LRMDA: variants seen among roughly 807,000 people sequenced by gnomAD.
LRMDA encodes the protein leucine-rich melanocyte differentiation-associated protein.
Under a neutral mutation model 29.8 loss-of-function variants are expected in LRMDA, and 18 were observed. That is an observed-to-expected ratio of 0.60 (90% CI 0.42 to 0.90). The LOEUF is 0.90. Ranked by LOEUF, LRMDA falls within the 40% of genes least tolerant of loss-of-function variation. The pLI is 0.00. For synonymous variants in LRMDA, 125 were observed against 109.4 expected (o/e 1.14, Z -0.89); for missense variants, 273 against 273.9 (o/e 1.00, Z 0.02).
In LRMDA at chr10:76,058,660, T is replaced by C; in HGVS notation, c.399-6T>C. The C allele has an allele frequency of 2.5e-6, 4 of 1,609,912 alleles. No individual in the cohort carries two copies. The highest frequency in any genetic ancestry group is 1.7e-4 in the Middle Eastern group (1 of 6,056). On this transcript the variant is annotated splice_region_variant and splice_polypyrimidine_tract_variant and intron_variant, in intron 4 of 6. Coordinates refer to ENST00000611255, the MANE Select transcript of LRMDA (RefSeq NM_001305581.2). ...TCCTGAGTTGTCTCTGACTCTTATC[T>C]TCCAGATGCTTTGTTCTGTACAAGC...
intron 2 of LRMDA, among the ~76,000 whole-genome samples, chr10:76,023,962 A>C (rs1262688794): frequency 6.6e-6 from 1 of 152,236 alleles, no homozygotes; most frequent in East Asian, 1.9e-4. Flanking sequence ...TGATATCTGC[A>C]AATTGGACAG....
At chr10:75,911,466 G>A (rs976249581) in intron 2 of LRMDA, among the ~76,000 whole-genome samples, 3 of 152,184 alleles carry the variant, frequency 2.0e-5, no homozygotes, top group Non-Finnish European at 2.9e-5. Context: ...CCAGAATCTT[G>A]TAGTGTTCCT....
chr10:75,564,160 T>A (rs1359742547), intron 2 of LRMDA, among the ~76,000 whole-genome samples: 1 of 152,202 alleles, frequency 6.6e-6, no homozygotes, highest in Non-Finnish European at 1.5e-5. Flanking sequence ...GGCAGGCAGG[T>A]CTACTTGAGT....
At chr10:75,908,836 A>G (rs539277253) in intron 2 of LRMDA, among the ~76,000 whole-genome samples, 2 of 152,352 alleles carry the variant, frequency 1.3e-5, no homozygotes, top group East Asian at 1.9e-4. Context: ...AGAGTCAAAC[A>G]AAATAGAAGG....
intron 5 of LRMDA, among the ~76,000 whole-genome samples, chr10:76,143,609 T>G (rs981391699): frequency 2.6e-5 from 4 of 152,232 alleles, no homozygotes; most frequent in African/African-American, 9.6e-5. Context: ...GTCAGATGAG[T>G]AGGTTGCAAA....
chr10:75,670,231 A>G (rs1257304207), intron 2 of LRMDA, among the ~76,000 whole-genome samples: 1 of 152,258 alleles, frequency 6.6e-6, no homozygotes, highest in Non-Finnish European at 1.5e-5. Flanking sequence ...TTCATTAGCA[A>G]AAATGAATAA....
chr10:75,757,692 T>A (rs1015789896), intron 2 of LRMDA, among the ~76,000 whole-genome samples: 1 of 152,210 alleles, frequency 6.6e-6, no homozygotes, highest in Non-Finnish European at 1.5e-5. Flanking sequence ...GAACAGTGAC[T>A]GAGACACAAT....
intron 5 of LRMDA, among the ~76,000 whole-genome samples, chr10:76,121,071 G>A (rs577284171): frequency 6.6e-6 from 1 of 151,960 alleles, no homozygotes; most frequent in East Asian, 1.9e-4. Flanking sequence ...AGTTGATATT[G>A]AAATGTTTGT....
At chr10:76,517,661 G>GA (rs1379185692) in intron 6 of LRMDA, among the ~76,000 whole-genome samples, 4 of 151,724 alleles carry the variant, frequency 2.6e-5, no homozygotes, top group African/African-American at 9.7e-5. Flanking sequence ...GGAATCATGA[G>GA]AAAAAAATGG....
chr10:76,041,585 G>C (rs1848339515), intron 3 of LRMDA, among the ~76,000 whole-genome samples: 1 of 152,190 alleles, frequency 6.6e-6, no homozygotes, highest in African/African-American at 2.4e-5. Context: ...TTAACCCGCA[G>C]CTGAGCCCAG....
intron 5 of LRMDA, among the ~76,000 whole-genome samples, chr10:76,271,536 C>T (rs1268983485): frequency 2.0e-5 from 3 of 152,172 alleles, no homozygotes; most frequent in African/African-American, 7.2e-5. Flanking sequence ...CTCCCTATGG[C>T]AAATAATTAA....
chr10:75,899,550 C>T (rs1353884906), intron 2 of LRMDA, among the ~76,000 whole-genome samples: 3 of 152,188 alleles, frequency 2.0e-5, no homozygotes, highest in Non-Finnish European at 4.4e-5. Flanking sequence ...TACTGGGTGG[C>T]TGTTACATGC....
At chr10:76,038,865 A>G (rs1487255228) in intron 3 of LRMDA, among the ~76,000 whole-genome samples, 1 of 152,192 alleles carries the variant, frequency 6.6e-6, no homozygotes, top group African/African-American at 2.4e-5. Flanking sequence ...TATAGATCAG[A>G]TGTTTGGCCA....
At chr10:76,060,451 G>A (rs1848686096) in intron 5 of LRMDA, among the ~76,000 whole-genome samples, 1 of 152,184 alleles carries the variant, frequency 6.6e-6, no homozygotes, top group Non-Finnish European at 1.5e-5. Flanking sequence ...AGAAGGAAGG[G>A]GTCACTGGCT....
At position 76,068,980 on chromosome 10, in the gene LRMDA, T is replaced by C. The variant is rs189916044; in HGVS notation, c.516+10197T>C. ...TCTGCCCTTTATCCCAAATGGTCCA[T>C]TGAGAAGCAAAGAGAACATCTTTCT... On this transcript the variant is annotated intron_variant, in intron 5 of 6. Coordinates refer to ENST00000611255, the MANE Select transcript of LRMDA (RefSeq NM_001305581.2). Among the ~76,000 whole-genome samples, 3 of 152,322 alleles carry C rather than the reference T, an allele frequency of 2.0e-5. 1 individual carries two copies. Among genetic ancestry groups the C allele is most frequent in the Non-Finnish European group, 4.4e-5 (3 of 68,028 alleles).
chr10:76,079,300 G>A (rs1849013019), intron 5 of LRMDA, among the ~76,000 whole-genome samples: 2 of 152,160 alleles, frequency 1.3e-5, no homozygotes, highest in African/African-American at 4.8e-5. Flanking sequence ...TTAGATTGCC[G>A]TTTGATCTGA....
At chr10:76,244,428 G>A (rs1313464145) in intron 5 of LRMDA, among the ~76,000 whole-genome samples, 1 of 152,284 alleles carries the variant, frequency 6.6e-6, no homozygotes, top group Middle Eastern at 3.4e-3. Flanking sequence ...TTCAGGAGCT[G>A]TTCTTAGGAC....
chr10:76,140,747 C>G (rs1236018554), intron 5 of LRMDA, among the ~76,000 whole-genome samples: 1 of 152,112 alleles, frequency 6.6e-6, no homozygotes, highest in East Asian at 1.9e-4. Flanking sequence ...AGAATGAACA[C>G]AATTGCCTTC....
Position 75,701,968 on chromosome 10 carries a change from C to T in LRMDA, c.131+263474C>T, listed in dbSNP as rs549706245. Among the ~76,000 whole-genome samples the T allele has an allele frequency of 4.6e-5, 7 of 152,228 alleles. No individual in the cohort carries two copies. The East Asian group carries it at 1.2e-3, about 25-fold the overall frequency. The stretch of plus-strand genomic sequence containing the variant: ...TTCTCCTCCCTCCTAATGCTTCGGC[C>T]GCATGTTTCTCTGATTTTTCTCTGC... On this transcript the variant is annotated intron_variant, in intron 2 of 6. Coordinates refer to ENST00000611255, the MANE Select transcript of LRMDA (RefSeq NM_001305581.2).
Sources: gnomAD v4.1 joint callset for allele counts (sites outside exome capture counted in the v4.1 genomes callset) on GRCh38, gnomAD v4.1.1 for gene constraint, MANE v1.5 for transcripts, NCBI Gene and HGNC (gene_info 2026-07-23, HGNC 2026-07-21) for gene names.